CLEC12B: variants seen among roughly 807,000 people sequenced by gnomAD.
The protein encoded by CLEC12B is C-type lectin domain family 12 member B.
A neutral mutation model predicts 36.1 loss-of-function variants in CLEC12B; 25 were observed. The ratio of observed to expected loss-of-function variants is 0.69; its 90% CI spans 0.50 to 0.97. The LOEUF (loss-of-function observed/expected upper bound fraction) is 0.97, where lower values mean the gene tolerates loss of function less well. Among genes scored for constraint, CLEC12B ranks in the 50% least tolerant of loss-of-function variants. CLEC12B has a pLI of 0.00. For synonymous variants in CLEC12B, 110 were observed against 108.5 expected (o/e 1.01, Z -0.09); for missense variants, 325 against 318.4 (o/e 1.02, Z -0.16).
upstream of CLEC12B, among the ~76,000 whole-genome samples, chr12:10,010,170 T>G (rs148757337): frequency 1.4e-3 from 200 of 140,776 alleles, no homozygotes; most frequent in Non-Finnish European, 1.9e-3. Flanking sequence ...TCTCTCTGTC[T>G]CTCTCTCTCT....
chr12:10,010,841 A>G lies in CLEC12B; in HGVS notation c.82A>G (p.Arg28Gly). The stretch of plus-strand genomic sequence containing the variant: ...GAATAACCGAGATGGAAATAACCTA[A>G]GAAAAAGAGGTAGGAGTTCAGAGAA... The part of the protein sequence containing the change: ...ARNNRDGNNL[R>G]KRGHPAPSPI... Residue 28 changes from arginine to glycine, a missense_variant, in exon 1 of 6, where the codon AGA (arginine) becomes GGA (glycine). Transcript: ENST00000338896. 1 of 1,609,096 alleles carries G rather than the reference A, an allele frequency of 6.2e-7. No individual in the cohort carries two copies. The highest frequency in any genetic ancestry group is 2.2e-5 in the East Asian group (1 of 44,832).
At chr12:10,014,773 A>T in intron 3 of CLEC12B, 32 bp downstream of exon 3, 1 of 1,461,550 alleles carries the variant, frequency 6.8e-7, no homozygotes, top group Non-Finnish European at 9.6e-7. Flanking sequence ...GACCAGTCAG[A>T]TGGCATATGT....
upstream of CLEC12B, among the ~76,000 whole-genome samples, chr12:10,009,159 G>T (rs760494559): frequency 8.6e-5 from 13 of 151,940 alleles, no homozygotes; most frequent in Non-Finnish European, 1.9e-4. Flanking sequence ...GCAGCAACCC[G>T]CTTGGGACCC....
chr12:10,010,200 T>TCTCTCACACACACACA (rs370060573), upstream of CLEC12B, among the ~76,000 whole-genome samples: 1 of 145,800 alleles, frequency 6.9e-6, no homozygotes, highest in African/African-American at 2.6e-5. Context: ...TGTCTCTCTC[T>TCTCTCACACACACACA]CACACACACA....
Position 10,012,843 on chromosome 12 carries a change from C to A in CLEC12B, c.150C>A (p.Cys50Ter), listed in dbSNP as rs1865363936. 6.2e-7 allele frequency: 1 copy of A among 1,613,808 alleles called. No individual in the cohort carries two copies. Among genetic ancestry groups the A allele is most frequent in the South Asian group, 1.1e-5 (1 of 91,058 alleles). Residue 50 changes from cysteine (C) to a stop codon, truncating the protein, a stop_gained, in exon 2 of 6, where the codon TGC (cysteine) becomes TGA (stop). Transcript: ENST00000338896. LOFTEE classifies it high-confidence loss of function. Reference sequence around the variant, plus strand: ...CTGCTCTGGGTCTGGTAACTCTTTGCCTGATGTTGCTGATTGGGCTGGTGA... The same window carrying A: ...CTGCTCTGGGTCTGGTAACTCTTTGACTGATGTTGCTGATTGGGCTGGTGA... The part of the protein sequence containing the change: ...RHAALGLVTL[C>*]LMLLIGLVTL...
intron 3 of CLEC12B, 119 bp from the exon 4 acceptor site, chr12:10,015,133 A>G (rs1591868429): frequency 2.4e-6 from 2 of 849,812 alleles, no homozygotes; most frequent in Non-Finnish European, 3.7e-6. Context: ...CTAAAGCAGT[A>G]TGCTTTCAGG....
intron 5 of CLEC12B, 68 bp downstream of exon 5, chr12:10,015,795 G>A: frequency 6.2e-7 from 1 of 1,600,658 alleles, no homozygotes; most frequent in East Asian, 2.2e-5. Context: ...AATAATGATT[G>A]TGAGAATTAT....
In CLEC12B at chr12:10,014,517, T is replaced by G; in HGVS notation, c.191-6T>G. The G allele has an allele frequency of 6.2e-7, 1 of 1,603,396 alleles. No homozygotes were observed. Among genetic ancestry groups the G allele is most frequent in the African/African-American group, 1.3e-5 (1 of 74,812 alleles). ...ATATGAACTTGTCTCCTGTCATGTC[T>G]TGGAGTTTTGCAGATATCTAATGAC... On this transcript the variant is annotated splice_polypyrimidine_tract_variant and splice_region_variant and intron_variant, in intron 2 of 5. Coordinates refer to ENST00000338896, the MANE Select transcript of CLEC12B (RefSeq NM_001129998.3).
At chr12:10,007,771 A>T (rs1212123438), upstream of CLEC12B, among the ~76,000 whole-genome samples, 2 of 152,262 alleles carry the variant, frequency 1.3e-5, no homozygotes, top group African/African-American at 4.8e-5. Flanking sequence ...GGTTGGATTT[A>T]AACAAGCTGC....
At chr12:10,016,951 C>T (rs970893466) in intron 5 of CLEC12B, 1 of 978,014 alleles carries the variant, frequency 1.0e-6, no homozygotes, top group Non-Finnish European at 1.2e-6. Flanking sequence ...ATCCACCCCC[C>T]TCCCTCCTGT....
At chr12:10,014,332 G>A (rs1022297681) in intron 2 of CLEC12B, among the ~76,000 whole-genome samples, 191 bp from the exon 3 acceptor site, 5 of 152,082 alleles carry the variant, frequency 3.3e-5, no homozygotes, top group African/African-American at 1.2e-4. Flanking sequence ...TAATAAAAAT[G>A]TAAATAAAAT....
chr12:10,018,340 T>C lies in CLEC12B; in HGVS notation c.690T>C (p.Thr230=). 1 of 1,467,846 alleles carries C rather than the reference T, an allele frequency of 6.8e-7. No homozygotes were observed. The highest frequency in any genetic ancestry group is 9.2e-7 in the Non-Finnish European group (1 of 1,085,430). 90.9% of individuals were successfully genotyped at this position (1,467,846 alleles called of 1,614,324 possible). A position where few individuals can be genotyped will look rare whatever the true frequency, so the allele number is the denominator to read the frequency against. ...TTAAATTAATTTTCAGATTTAGTACTAAAGAACTTGACCAGATCAATGGAT... is the reference window on the plus strand; with the variant it reads ...TTAAATTAATTTTCAGATTTAGTACCAAAGAACTTGACCAGATCAATGGAT... ...GSVPSPSLFS[T]KELDQINGSK... The change falls in exon 6 of 6, where the codon ACT becomes ACC. Residue 230 remains threonine (T), a synonymous_variant. Coordinates refer to ENST00000338896, the MANE Select transcript of CLEC12B (RefSeq NM_001129998.3).
intron 2 of CLEC12B, among the ~76,000 whole-genome samples, chr12:10,014,302 A>T (rs1009861714): frequency 2.6e-5 from 4 of 152,200 alleles, no homozygotes; most frequent in Non-Finnish European, 5.9e-5. Context: ...TTATTAAATC[A>T]TTATTTTAAT....
At chr12:10,011,328 T>C (rs186240086) in intron 1 of CLEC12B, among the ~76,000 whole-genome samples, 1 of 152,298 alleles carries the variant, frequency 6.6e-6, no homozygotes, top group African/African-American at 2.4e-5. Flanking sequence ...TTTGTCAGTA[T>C]TTTTTCAAAT....
chr12:10,015,233 G>A lies in CLEC12B; in HGVS notation c.410-19G>A, dbSNP rs1254592883. Reference sequence around the variant, plus strand: ...CTAGAGTCTTCAGTTTATATTATTGGGTATAATTTCCTTTTCAGACCACAG... The same window carrying A: ...CTAGAGTCTTCAGTTTATATTATTGAGTATAATTTCCTTTTCAGACCACAG... On this transcript the variant is annotated intron_variant, in intron 3 of 5. Transcript: ENST00000338896. 4 of 1,598,686 alleles carry A rather than the reference G, an allele frequency of 2.5e-6. 1 individual carries two copies. The Admixed American group carries it at 6.9e-5, about 27-fold the overall frequency.
At position 10,018,532 on chromosome 12, in the gene CLEC12B, T is replaced by C. The variant is rs891951958; in HGVS notation, c.*51T>C. The C allele has an allele frequency of 8.1e-6, 12 of 1,476,846 alleles. No individual in the cohort carries two copies. The highest frequency in any genetic ancestry group is 1.1e-5 in the Non-Finnish European group (12 of 1,095,352). 91.5% of individuals were successfully genotyped at this position (1,476,846 alleles called of 1,614,324 possible). A position where few individuals can be genotyped will look rare whatever the true frequency, so the allele number is the denominator to read the frequency against. On this transcript the variant is annotated 3_prime_UTR_variant, in exon 6 of 6. Coordinates refer to ENST00000338896, the MANE Select transcript of CLEC12B (RefSeq NM_001129998.3). ...AGTAAGAGACTTGTGAGTAAGCTCA[T>C]ATGAGGAAAGAGGAAACTACGGTAC...
upstream of CLEC12B, among the ~76,000 whole-genome samples, chr12:10,006,912 G>A (rs534915200): frequency 1.4e-4 from 21 of 151,934 alleles, no homozygotes; most frequent in Admixed American, 7.2e-4. Flanking sequence ...AAAATTAGCC[G>A]GGCGGGGTGG....
chr12:10,007,476 G>C (rs1837486378), upstream of CLEC12B, among the ~76,000 whole-genome samples: 1 of 151,958 alleles, frequency 6.6e-6, no homozygotes, highest in African/African-American at 2.4e-5. Flanking sequence ...TAGCTGTTTT[G>C]GTATATTTGA....
In CLEC12B at chr12:10,014,582, A is replaced by G; in HGVS notation, c.250A>G (p.Thr84Ala). 1 of 1,613,838 alleles carries G rather than the reference A, an allele frequency of 6.2e-7. No homozygotes were observed. Among genetic ancestry groups the G allele is most frequent in the Non-Finnish European group, 8.5e-7 (1 of 1,179,794 alleles). ...AGAGAAATTGAGTCAACTTCAGAAA[A>G]CCATCCAACAGCAGCAGGATAACTT... is the stretch of plus-strand genomic sequence containing the variant. ...DSEKLSQLQK[T>A]IQQQQDNLSQ... The change falls in exon 3 of 6, where the codon ACC becomes GCC. Residue 84 changes from threonine (T) to alanine (A), a missense_variant. Physicochemically the swap from Thr to Ala is moderately conservative, Grantham distance 58. Coordinates refer to ENST00000338896, the MANE Select transcript of CLEC12B (RefSeq NM_001129998.3).
Sources: allele counts gnomAD v4.1 joint callset (sites outside exome capture counted in the v4.1 genomes callset), GRCh38; gene constraint gnomAD v4.1.1; transcripts MANE v1.5; gene names NCBI Gene and HGNC (gene_info 2026-07-23, HGNC 2026-07-21).